The following CSMD3 variants were observed in gnomAD, a reference collection of about 807,000 sequenced individuals.
The protein encoded by CSMD3 is CUB and sushi domain-containing protein 3.
Under a neutral mutation model 435.2 loss-of-function variants are expected in CSMD3, and 177 were observed. The observed-to-expected ratio is 0.41, with a 90% CI of 0.36 to 0.46. The LOEUF (loss-of-function observed/expected upper bound fraction) is 0.46, where lower values mean the gene tolerates loss of function less well. Ranked by LOEUF, CSMD3 falls within the 20% of genes least tolerant of loss-of-function variation. CSMD3 has a pLI of 0.34. For synonymous variants in CSMD3, 1,656 were observed against 1,520.5 expected (o/e 1.09, Z -2.07); for missense variants, 4,265 against 4,504.6 (o/e 0.95, Z 1.52).
intron 5 of CSMD3, among the ~76,000 whole-genome samples, chr8:113,089,753 G>A (rs2089937749): frequency 6.6e-6 from 1 of 151,802 alleles, no homozygotes; most frequent in East Asian, 1.9e-4. Flanking sequence ...CTTTGTTATT[G>A]GACTTTGCAG....
At chr8:113,367,778 T>C (rs958964865) in intron 1 of CSMD3, among the ~76,000 whole-genome samples, 3 of 152,050 alleles carry the variant, frequency 2.0e-5, no homozygotes, top group Non-Finnish European at 4.4e-5. Context: ...TATTTTTTCA[T>C]AATTCAAGCC....
chr8:113,346,560 T>C (rs1289758975), intron 1 of CSMD3, among the ~76,000 whole-genome samples: 2 of 152,128 alleles, frequency 1.3e-5, no homozygotes, highest in African/African-American at 4.8e-5. Context: ...AACCACATTA[T>C]TAAAACCAGG....
intron 1 of CSMD3, among the ~76,000 whole-genome samples, chr8:113,383,584 C>A (rs776571738): frequency 9.2e-5 from 14 of 152,106 alleles, no homozygotes; most frequent in Non-Finnish European, 1.9e-4. Context: ...TGGAGAGACA[C>A]AATGAGGTTC....
chr8:112,835,044 G>T (rs1371633581), intron 11 of CSMD3, among the ~76,000 whole-genome samples: 1 of 151,712 alleles, frequency 6.6e-6, no homozygotes, highest in Admixed American at 6.6e-5. Context: ...CAACTGGATT[G>T]CTTAGTGTTG....
At chr8:112,522,267 C>T (rs181882205) in intron 27 of CSMD3, among the ~76,000 whole-genome samples, 111 of 151,802 alleles carry the variant, frequency 7.3e-4, no homozygotes, top group South Asian at 1.5e-3. Flanking sequence ...ACTGCTTATA[C>T]GTAGAAGAAA....
At chr8:113,028,874 C>T (rs1181867800) in intron 5 of CSMD3, among the ~76,000 whole-genome samples, 1 of 151,564 alleles carries the variant, frequency 6.6e-6, no homozygotes, top group Admixed American at 6.6e-5. Context: ...CTGCTGCAAG[C>T]TATCCAGACG....
intron 13 of CSMD3, among the ~76,000 whole-genome samples, chr8:112,758,898 A>G (rs1199392192): frequency 6.6e-6 from 1 of 152,198 alleles, no homozygotes; most frequent in Non-Finnish European, 1.5e-5. Flanking sequence ...ACAGAAATAA[A>G]TGCAAAACAG....
At chr8:112,553,966 G>A (rs1314348932) in intron 25 of CSMD3, among the ~76,000 whole-genome samples, 1 of 151,922 alleles carries the variant, frequency 6.6e-6, no homozygotes, top group Non-Finnish European at 1.5e-5. Context: ...ACACTCAGTT[G>A]ACTTGTAGGC....
At chr8:112,380,208 G>T in intron 38 of CSMD3, 144 bp downstream of exon 38, 2 of 564,422 alleles carry the variant, frequency 3.5e-6, no homozygotes, top group South Asian at 4.7e-5. Context: ...CAATTGAACT[G>T]AAGTAATAGT....
At chr8:112,708,276 C>G (rs2076539963) in intron 13 of CSMD3, among the ~76,000 whole-genome samples, 1 of 151,912 alleles carries the variant, frequency 6.6e-6, no homozygotes, top group Non-Finnish European at 1.5e-5. Context: ...AAGGAAAAAG[C>G]TTTCAAGATA....
intron 11 of CSMD3, among the ~76,000 whole-genome samples, chr8:112,849,346 G>A (rs2080419080): frequency 6.6e-6 from 1 of 151,898 alleles, no homozygotes; most frequent in Admixed American, 6.6e-5. Flanking sequence ...GAGAGCAGGG[G>A]GTGGTCAAAA....
intron 35 of CSMD3, among the ~76,000 whole-genome samples, chr8:112,393,003 C>T (rs893499748): frequency 2.0e-5 from 3 of 151,512 alleles, no homozygotes; most frequent in Non-Finnish European, 4.4e-5. Flanking sequence ...GTAGCTAGGA[C>T]TACAGGTGTG....
chr8:112,662,043 C>T (rs996160407), intron 17 of CSMD3, among the ~76,000 whole-genome samples: 3 of 152,050 alleles, frequency 2.0e-5, no homozygotes, highest in African/African-American at 7.2e-5. Flanking sequence ...AATGGAAGAA[C>T]ATTCCATGCT....
chr8:112,271,866 T>C (rs1377818191), intron 59 of CSMD3, among the ~76,000 whole-genome samples: 1 of 152,204 alleles, frequency 6.6e-6, no homozygotes, highest in Non-Finnish European at 1.5e-5. Flanking sequence ...TCAAAATTCA[T>C]GTGCTAATTT....
At chr8:113,330,304 T>G (rs2132764900) in intron 1 of CSMD3, among the ~76,000 whole-genome samples, 1 of 151,826 alleles carries the variant, frequency 6.6e-6, no homozygotes, top group Admixed American at 6.6e-5. Context: ...AATAAGAAAA[T>G]ATCTCAAAAA....
Position 112,887,201 on chromosome 8 carries a change from T to G in CSMD3, c.1634-27935A>C, listed in dbSNP as rs532790264. Among the ~76,000 whole-genome samples the G allele has an allele frequency of 3.4e-4, 37 of 109,630 alleles. 1 individual carries two copies. In the South Asian group the frequency reaches 9.4e-3, roughly 28 times the overall value. The allele number at this position is 109,630 out of a possible 152,430, so 71.9% of individuals were successfully genotyped here. A position where few individuals can be genotyped will look rare whatever the true frequency, so the allele number is the denominator to read the frequency against. On this transcript the variant is annotated intron_variant, in intron 10 of 70. Coordinates refer to ENST00000297405, the MANE Select transcript of CSMD3 (RefSeq NM_198123.2). ...GTGTTTGTTGTTACAATTATTTGTT[T>G]TTTTTTTTTTTTGAATAGTATAAAA...
In CSMD3 at chr8:112,800,255, G is replaced by A; in HGVS notation, c.1879C>T (p.Pro627Ser). The A allele has an allele frequency of 6.2e-7, 1 of 1,611,862 alleles. No homozygotes were observed. Among genetic ancestry groups the A allele is most frequent in the Non-Finnish European group, 8.5e-7 (1 of 1,178,288 alleles). ...CTACTCATGCTCACTATCAAGTCTGGTACAAAGCTTCCAGTCAGCCTAAAA... is the reference window on the plus strand; with the variant it reads ...CTACTCATGCTCACTATCAAGTCTGATACAAAGCTTCCAGTCAGCCTAAAA... ...VLQVLTGSFV[P>S]DLIVSMSSQM... The change falls in exon 13 of 71, where the codon CCA becomes TCA. Residue 627 changes from proline to serine, a missense_variant. Physicochemically the swap from Pro to Ser is moderately conservative, Grantham distance 74. This residue lies in a region of CSMD3 where 279 missense variants were observed against 369.0 expected (regional missense o/e 0.76). Coordinates refer to ENST00000297405, the MANE Select transcript of CSMD3 (RefSeq NM_198123.2).
chr8:112,535,189 G>A (rs1330093219), intron 27 of CSMD3, among the ~76,000 whole-genome samples: 1 of 151,390 alleles, frequency 6.6e-6, no homozygotes, highest in Non-Finnish European at 1.5e-5. Flanking sequence ...GGCAGGAGAA[G>A]GAAATAAAGG....
intron 32 of CSMD3, among the ~76,000 whole-genome samples, chr8:112,439,271 G>T (rs1186451536): frequency 6.6e-6 from 1 of 152,014 alleles, no homozygotes; most frequent in Non-Finnish European, 1.5e-5. Flanking sequence ...CTCCCAAGTA[G>T]CTGGGACTAC....
Sources: allele counts gnomAD v4.1 joint callset (sites outside exome capture counted in the v4.1 genomes callset), GRCh38; gene constraint gnomAD v4.1.1; regional missense constraint gnomAD v4.1.1; transcripts MANE v1.5; gene names NCBI Gene and HGNC (gene_info 2026-07-23, HGNC 2026-07-21).